Variants in C2CD5 observed in about 807,000 individuals in gnomAD.
C2CD5 encodes the protein C2 calcium dependent domain containing 5.
C2CD5 carries 109 observed loss-of-function variants against 130.3 expected under a neutral mutation model. The ratio of observed to expected loss-of-function variants is 0.84; its 90% CI spans 0.72 to 0.98. The LOEUF is 0.98. C2CD5 is among the 50% of genes least tolerant of loss of function. The probability of loss-of-function intolerance (pLI) is 0.00; values close to 1 mark genes in which losing one functional copy is unlikely to be tolerated. For synonymous variants in C2CD5, 454 were observed against 429.2 expected (o/e 1.06, Z -0.71); for missense variants, 996 against 1,261.8 (o/e 0.79, Z 3.19).
At chr12:22,480,234 T>G (rs1241859769) in intron 14 of C2CD5, among the ~76,000 whole-genome samples, 3 of 152,220 alleles carry the variant, frequency 2.0e-5, no homozygotes, top group Non-Finnish European at 2.9e-5. Flanking sequence ...GAGGCCTGAT[T>G]TGAAATCCAT....
chr12:22,458,167 T>C (rs1173428780), intron 24 of C2CD5, among the ~76,000 whole-genome samples: 2 of 152,168 alleles, frequency 1.3e-5, no homozygotes, highest in Admixed American at 1.3e-4. Flanking sequence ...GTACCTTGGG[T>C]CCTGGAAGAA....
Position 22,462,217 on chromosome 12 carries a change from C to CT in C2CD5, c.2534-2676dup, listed in dbSNP as rs576172148. Among the ~76,000 whole-genome samples the CT allele has an allele frequency of 7.5e-4, 114 of 152,268 alleles. 1 individual carries two copies. Among genetic ancestry groups the CT allele is most frequent in the African/African-American group, 2.4e-3 (98 of 41,550 alleles). On this transcript the variant is annotated intron_variant, in intron 22 of 26. Transcript: ENST00000446597. Reference sequence around the variant, plus strand: ...CAAGGGTAGAAATCTCCTTAAAAGTCTTTCAGGCTTTGCTGAGTTGTGCTC... The same window carrying CT: ...CAAGGGTAGAAATCTCCTTAAAAGTCTTTTCAGGCTTTGCTGAGTTGTGCTC...
intron 23 of C2CD5, 30 bp downstream of exon 23, chr12:22,459,462 G>C: frequency 6.9e-7 from 1 of 1,444,144 alleles, no homozygotes; most frequent in South Asian, 1.2e-5. Flanking sequence ...TACACCTTTG[G>C]TGACTATTTG....
At chr12:22,478,913 G>C (rs924839558) in intron 14 of C2CD5, among the ~76,000 whole-genome samples, 1 of 152,034 alleles carries the variant, frequency 6.6e-6, no homozygotes, top group Non-Finnish European at 1.5e-5. Flanking sequence ...AATATAATCA[G>C]CATCAGGGTA....
chr12:22,514,075 C>T (rs756877947), intron 8 of C2CD5, among the ~76,000 whole-genome samples: 9 of 152,080 alleles, frequency 5.9e-5, no homozygotes, highest in East Asian at 5.8e-4. Flanking sequence ...GTATTTTTTA[C>T]GGCTTAATTT....
chr12:22,453,999 A>C lies in C2CD5; in HGVS notation c.2921T>G (p.Val974Gly). ...SGFLHAFIAEVFAMVRAHVAA... is the reference protein window; with the variant it reads ...SGFLHAFIAEGFAMVRAHVAA... Reference sequence around the variant, plus strand: ...AACATGAGCTCTCACCATTGCAAACACTTCAGCAATAAAAGCATGGAGAAA... The same window carrying C: ...AACATGAGCTCTCACCATTGCAAACCCTTCAGCAATAAAAGCATGGAGAAA... Residue 974 changes from valine (V) to glycine (G), a missense_variant, in exon 26 of 27, where the codon GTG becomes GGG. Val to Gly is a moderately radical substitution (Grantham distance 109, BLOSUM62 -3). Around this residue, in one of 9 missense-constraint regions of C2CD5, gnomAD observed 51 missense variants for 99.5 expected, o/e 0.51. Coordinates refer to ENST00000446597, the MANE Select transcript of C2CD5 (RefSeq NM_001286176.2). 1 of 1,613,666 alleles carries C rather than the reference A, an allele frequency of 6.2e-7. No individual in the cohort carries two copies. The highest frequency in any genetic ancestry group is 8.5e-7 in the Non-Finnish European group (1 of 1,179,690).
Position 22,464,519 on chromosome 12 carries a change from T to C in C2CD5, c.2534-4977A>G, listed in dbSNP as rs555921441. On this transcript the variant is annotated intron_variant, in intron 22 of 26. Coordinates refer to ENST00000446597, the MANE Select transcript of C2CD5 (RefSeq NM_001286176.2). ...GAAGAAGCCACAGAGATAAAGATTC[T>C]TTATTCCTACTTCTCCATCAATTCT... 7.9e-5 allele frequency among the ~76,000 whole-genome samples: 12 copies of C among 152,362 alleles called. No individual in the cohort carries two copies. The East Asian group carries it at 2.1e-3, about 27-fold the overall frequency.
chr12:22,490,398 A>G (rs1255731254), intron 11 of C2CD5, among the ~76,000 whole-genome samples, 180 bp from the exon 12 acceptor site: 1 of 152,218 alleles, frequency 6.6e-6, no homozygotes, highest in Admixed American at 6.5e-5. Context: ...AAGTAACTTT[A>G]TTTGAATGGA....
chr12:22,483,845 G>C (rs1651929612), intron 13 of C2CD5, among the ~76,000 whole-genome samples: 1 of 151,990 alleles, frequency 6.6e-6, no homozygotes, highest in Admixed American at 6.6e-5. Flanking sequence ...GAAAAGTGAA[G>C]AAAATCAGCA....
chr12:22,535,047 A>G (rs1379106881), intron 3 of C2CD5: 3 of 412,244 alleles, frequency 7.3e-6, no homozygotes, highest in Non-Finnish European at 1.3e-5. Flanking sequence ...ACATCTGAAG[A>G]CTTCTTTTGT....
In C2CD5 at chr12:22,465,307, T is replaced by A. The variant is rs899432481; in HGVS notation, c.2533+4402A>T. On this transcript the variant is annotated intron_variant, in intron 22 of 26. Coordinates refer to ENST00000446597, the MANE Select transcript of C2CD5 (RefSeq NM_001286176.2). Reference sequence around the variant, plus strand: ...CTATACAGTTTCACTCAACGGTATTTAAAACTAAAATTGACTTAATTAAAC... The same window carrying A: ...CTATACAGTTTCACTCAACGGTATTAAAAACTAAAATTGACTTAATTAAAC... Among the ~76,000 whole-genome samples, 12 of 152,286 alleles carry A rather than the reference T, an allele frequency of 7.9e-5. No homozygotes were observed. The East Asian group carries it at 2.3e-3, about 29-fold the overall frequency.
At chr12:22,478,041 ACACT>A (rs1485366943) in intron 15 of C2CD5, 2 of 397,078 alleles carry the variant, frequency 5.0e-6, no homozygotes, top group Admixed American at 3.6e-5. Context: ...ACACACACAC[ACACT>A]CACAAAGATA....
chr12:22,468,230 T>A (rs1942435431), intron 22 of C2CD5, among the ~76,000 whole-genome samples: 1 of 152,152 alleles, frequency 6.6e-6, no homozygotes, highest in South Asian at 2.1e-4. Context: ...AGACTTTTCT[T>A]CTTTTTGAGA....
chr12:22,499,807 A>G (rs1486467992), intron 10 of C2CD5, among the ~76,000 whole-genome samples: 1 of 152,230 alleles, frequency 6.6e-6, no homozygotes, highest in African/African-American at 2.4e-5. Context: ...GTCTGTTACC[A>G]AGCCAGAAAC....
chr12:22,461,546 G>T (rs1275863599), intron 22 of C2CD5, among the ~76,000 whole-genome samples: 1 of 152,142 alleles, frequency 6.6e-6, no homozygotes, highest in East Asian at 1.9e-4. Flanking sequence ...ACAATGATAT[G>T]TAAAATACTT....
intron 3 of C2CD5, among the ~76,000 whole-genome samples, chr12:22,534,103 G>C (rs111696636): frequency 6.6e-6 from 1 of 152,080 alleles, no homozygotes; most frequent in African/African-American, 2.4e-5. Flanking sequence ...CAGGAGAATC[G>C]CTTGAACCCA....
At chr12:22,496,415 A>C (rs961174582) in intron 10 of C2CD5, among the ~76,000 whole-genome samples, 2 of 152,040 alleles carry the variant, frequency 1.3e-5, no homozygotes, top group African/African-American at 2.4e-5. Flanking sequence ...ACATAAATGC[A>C]AACAGAGTCT....
At chr12:22,502,917 G>C in intron 10 of C2CD5, 1 of 637,488 alleles carries the variant, frequency 1.6e-6, no homozygotes, top group Non-Finnish European at 2.8e-6. Flanking sequence ...ACAGGAACTG[G>C]AAAGACATAG....
rs113520967 is a variant in C2CD5 at position 22,459,394 on chromosome 12, A to G, written c.2584+98T>C. ...AGCCAGATTTTGGTGTCTATTCCAT[A>G]TTGTCCAGTGCATTTTCTTCAATGT... On this transcript the variant is annotated intron_variant, in intron 23 of 26. Coordinates refer to ENST00000446597, the MANE Select transcript of C2CD5 (RefSeq NM_001286176.2). The G allele has an allele frequency of 3.1e-3, 2,261 of 736,444 alleles. 41 individuals are homozygous for G. In the African/African-American group the frequency reaches 0.035, roughly 11 times the overall value. The allele number at this position is 736,444 out of a possible 1,614,324, so 45.6% of individuals were successfully genotyped here.
Sources: gnomAD v4.1 joint callset for allele counts (sites outside exome capture counted in the v4.1 genomes callset) on GRCh38, gnomAD v4.1.1 for gene constraint, gnomAD v4.1.1 regional missense constraint, MANE v1.5 for transcripts, NCBI Gene and HGNC (gene_info 2026-07-23, HGNC 2026-07-21) for gene names.